IGFBP2: variants seen among roughly 807,000 people sequenced by gnomAD.
IGFBP2 encodes insulin-like growth factor-binding protein 2.
A neutral mutation model predicts 26.2 loss-of-function variants in IGFBP2; 12 were observed. The observed-to-expected ratio is 0.46, with a 90% confidence interval of 0.29 to 0.74. The LOEUF (loss-of-function observed/expected upper bound fraction) is 0.74. Ranked by LOEUF, IGFBP2 falls within the 30% of genes least tolerant of loss-of-function variation. The probability of loss-of-function intolerance (pLI) is 0.09; values close to 1 mark genes in which losing one functional copy is unlikely to be tolerated. For missense variants in IGFBP2, 328 were observed against 441.2 expected, an observed-to-expected ratio of 0.74 and a Z score of 2.30; for synonymous variants, 189 against 200.6, an observed-to-expected ratio of 0.94 and a Z score of 0.49.
intron 1 of IGFBP2, among the ~76,000 whole-genome samples, chr2:216,653,799 G>A (rs534586935): frequency 1.3e-5 from 2 of 152,248 alleles, no homozygotes; most frequent in Middle Eastern, 3.4e-3. Context: ...GGAAAAGCTT[G>A]ACCTTCTATA....
intron 3 of IGFBP2, 141 bp downstream of exon 3, chr2:216,662,139 T>A: frequency 1.0e-6 from 1 of 980,048 alleles, no homozygotes; most frequent in Admixed American, 2.4e-5. Flanking sequence ...CCATGGGGAT[T>A]GGGATGCCAG....
intron 1 of IGFBP2, among the ~76,000 whole-genome samples, chr2:216,637,430 C>T (rs1190446699): frequency 6.6e-6 from 1 of 152,196 alleles, no homozygotes; most frequent in African/African-American, 2.4e-5. Flanking sequence ...ACGCCTGGGG[C>T]TGCCGTTGCC....
In IGFBP2 at chr2:216,633,595, A is replaced by C; in HGVS notation, c.72A>C (p.Leu24=). 1.3e-6 allele frequency: 1 copy of C among 765,548 alleles called. No individual in the cohort carries two copies. The highest frequency in any genetic ancestry group is 1.5e-6 in the Non-Finnish European group (1 of 667,160). 47.4% of individuals were successfully genotyped at this position (765,548 alleles called of 1,614,324 possible). The change falls in exon 1 of 4, where the codon CTA becomes CTC. Residue 24 remains leucine, a synonymous_variant. Coordinates refer to ENST00000233809, the MANE Select transcript of IGFBP2 (RefSeq NM_000597.3). ...PPPLLPLLLL[L]LGASGGGGGA... is the part of the protein sequence containing the mutation. Reference sequence around the variant, plus strand: ...CGCTGCTGCCGCTGCTGCTGCTGCTACTGGGCGCGAGTGGCGGCGGCGGCG... The same window carrying C: ...CGCTGCTGCCGCTGCTGCTGCTGCTCCTGGGCGCGAGTGGCGGCGGCGGCG...
chr2:216,642,874 T>A (rs1271964617), intron 1 of IGFBP2, among the ~76,000 whole-genome samples: 1 of 152,172 alleles, frequency 6.6e-6, no homozygotes. Context: ...GCTGTCAGTG[T>A]CCAGAGCTCT....
intron 1 of IGFBP2, among the ~76,000 whole-genome samples, chr2:216,650,265 C>T (rs1310745700): frequency 6.6e-6 from 1 of 152,198 alleles, no homozygotes; most frequent in African/African-American, 2.4e-5. Context: ...GAACTTCTGA[C>T]TGGGTCTAAT....
At chr2:216,645,228 T>A (rs546388158) in intron 1 of IGFBP2, among the ~76,000 whole-genome samples, 4 of 152,088 alleles carry the variant, frequency 2.6e-5, no homozygotes, top group Admixed American at 2.6e-4. Context: ...TCAGGCAGGA[T>A]AAAGGGGGTG....
At chr2:216,636,594 A>G (rs1391783630) in intron 1 of IGFBP2, among the ~76,000 whole-genome samples, 1 of 152,164 alleles carries the variant, frequency 6.6e-6, no homozygotes, top group Non-Finnish European at 1.5e-5. Context: ...GGCCTAGAAG[A>G]AAAACCGAAA....
chr2:216,637,619 C>G (rs1441449006), intron 1 of IGFBP2, among the ~76,000 whole-genome samples: 1 of 152,216 alleles, frequency 6.6e-6, no homozygotes, highest in African/African-American at 2.4e-5. Flanking sequence ...AAAAATTCTA[C>G]TTAACAATGT....
At chr2:216,634,508 G>C (rs993378614) in intron 1 of IGFBP2, among the ~76,000 whole-genome samples, 5 of 152,184 alleles carry the variant, frequency 3.3e-5, no homozygotes, top group African/African-American at 1.2e-4. Flanking sequence ...TACTTTGTAG[G>C]ATGAGTCGCT....
At chr2:216,661,079 G>C (rs1485573859) in intron 2 of IGFBP2, 2 of 434,796 alleles carry the variant, frequency 4.6e-6, no homozygotes, top group Non-Finnish European at 8.3e-6. Flanking sequence ...GATGAAGACA[G>C]AGTCCCTGAA....
In IGFBP2 at chr2:216,633,636, T is replaced by C; in HGVS notation, c.113T>C (p.Val38Ala). The C allele has an allele frequency of 9.6e-7, 1 of 1,046,458 alleles. No homozygotes were observed. The allele number at this position is 1,046,458 out of a possible 1,614,324, so 64.8% of individuals were successfully genotyped here. The change falls in exon 1 of 4, where the codon GTG (valine) becomes GCG (alanine). Residue 38 changes from valine to alanine, a missense_variant. Coordinates refer to ENST00000233809, the MANE Select transcript of IGFBP2 (RefSeq NM_000597.3). ...GGCGGCGGCGGGGCGCGCGCGGAGG[T>C]GCTGTTCCGCTGCCCGCCCTGCACA... ...SGGGGGARAEVLFRCPPCTPE... is the reference protein window; with the variant it reads ...SGGGGGARAEALFRCPPCTPE...
chr2:216,659,658 C>G (rs372151331), intron 1 of IGFBP2: 2 of 1,407,432 alleles, frequency 1.4e-6, no homozygotes, highest in East Asian at 5.0e-5. Flanking sequence ...CCTCCTTCAC[C>G]TAGGCTGTGC....
intron 1 of IGFBP2, among the ~76,000 whole-genome samples, chr2:216,639,007 ATTTTTTTT>A: frequency 8.7e-6 from 1 of 115,076 alleles, no homozygotes. Context: ...GACCAGGCTA[ATTTTTTTT>A]TTTTTTTTTT....
intron 1 of IGFBP2, among the ~76,000 whole-genome samples, chr2:216,637,589 T>A (rs1438908427): frequency 1.3e-5 from 2 of 152,204 alleles, no homozygotes; most frequent in Non-Finnish European, 2.9e-5. Context: ...ACAAGATATT[T>A]GAGGAAGGTT....
At chr2:216,655,622 G>A (rs1430399236) in intron 1 of IGFBP2, among the ~76,000 whole-genome samples, 2 of 152,202 alleles carry the variant, frequency 1.3e-5, no homozygotes, top group Non-Finnish European at 2.9e-5. Flanking sequence ...AATACAGTCA[G>A]GCGTGGTGGC....
At chr2:216,656,894 TCTC>T (rs1475465856) in intron 1 of IGFBP2, among the ~76,000 whole-genome samples, 1 of 152,066 alleles carries the variant, frequency 6.6e-6, no homozygotes, top group Non-Finnish European at 1.5e-5. Context: ...GCTCCTGTCT[TCTC>T]TAACACCCTG....
chr2:216,635,138 G>A (rs949481799), intron 1 of IGFBP2, among the ~76,000 whole-genome samples: 1 of 151,984 alleles, frequency 6.6e-6, no homozygotes, highest in African/African-American at 2.4e-5. Flanking sequence ...CCCTTCTCCT[G>A]GTCGGCTATT....
chr2:216,646,922 G>GTA, intron 1 of IGFBP2, among the ~76,000 whole-genome samples: 1 of 152,186 alleles, frequency 6.6e-6, no homozygotes, highest in East Asian at 1.9e-4. Flanking sequence ...AACATTAATT[G>GTA]AGCACATGCT....
intron 3 of IGFBP2, chr2:216,663,028 G>A (rs1688688836): frequency 4.6e-5 from 7 of 152,206 alleles, no homozygotes; most frequent in Admixed American, 4.6e-4. Context: ...ATGGCAGTCT[G>A]GGCTGACCTA....
Sources: gnomAD v4.1 joint callset for allele counts (sites outside exome capture counted in the v4.1 genomes callset) on GRCh38, gnomAD v4.1.1 for gene constraint, MANE v1.5 for transcripts, NCBI Gene and HGNC (gene_info 2026-07-23, HGNC 2026-07-21) for gene names.